PRIM2: variants seen among roughly 807,000 people sequenced by gnomAD.
PRIM2 encodes DNA primase large subunit.
In PRIM2, 39 loss-of-function variants were observed where a neutral mutation model predicts 67.3. That is an observed-to-expected ratio of 0.58 (90% CI 0.45 to 0.76). PRIM2 has a LOEUF of 0.76. PRIM2 is among the 30% of genes least tolerant of loss of function. The pLI, the probability that PRIM2 is intolerant of heterozygous loss-of-function variation, is 0.00. For missense variants in PRIM2, 398 were observed against 598.7 expected, an observed-to-expected ratio of 0.66 and a Z score of 3.50; for synonymous variants, 143 against 198.7, an observed-to-expected ratio of 0.72 and a Z score of 2.36.
At chr6:57,456,260 T>A (rs1772775727) in intron 7 of PRIM2, among the ~76,000 whole-genome samples, 1 of 152,176 alleles carries the variant, frequency 6.6e-6, no homozygotes, top group South Asian at 2.1e-4. Flanking sequence ...GACAATTATG[T>A]GTCTTGGAGT....
intron 7 of PRIM2, among the ~76,000 whole-genome samples, chr6:57,484,461 G>A (rs1169380904): frequency 1.3e-5 from 2 of 152,142 alleles, no homozygotes; most frequent in African/African-American, 4.8e-5. Context: ...AGAAACTCAT[G>A]TGGTTTCTTG....
At chr6:57,636,913 G>A (rs1389946141) in intron 13 of PRIM2, among the ~76,000 whole-genome samples, 1 of 152,126 alleles carries the variant, frequency 6.6e-6, no homozygotes, top group Non-Finnish European at 1.5e-5. Flanking sequence ...GCTCTGTTAA[G>A]GGACTGCCTC....
At chr6:57,333,067 A>C (rs968387846) in intron 5 of PRIM2, among the ~76,000 whole-genome samples, 12 of 152,142 alleles carry the variant, frequency 7.9e-5, no homozygotes, top group Non-Finnish European at 1.5e-4. Context: ...TTAGAATTAC[A>C]ATTATATTTT....
chr6:57,364,495 C>T (rs904853373), intron 5 of PRIM2, among the ~76,000 whole-genome samples: 2 of 152,156 alleles, frequency 1.3e-5, no homozygotes, highest in African/African-American at 4.8e-5. Flanking sequence ...CTTTGGGTGG[C>T]CACAGCTTCT....
At chr6:57,273,811 G>A in the PRIM2 span, among the ~76,000 whole-genome samples, 2 of 151,766 alleles carry the variant, frequency 1.3e-5, no homozygotes, top group East Asian at 3.9e-4. Flanking sequence ...TTTTGGTGTG[G>A]ATGTCCTTCC....
the PRIM2 span, among the ~76,000 whole-genome samples, chr6:57,266,733 A>G: frequency 2.6e-5 from 4 of 152,214 alleles, no homozygotes; most frequent in East Asian, 1.9e-4. Flanking sequence ...AAAATAGTCT[A>G]TGTCGCCACA....
chr6:57,588,433 A>G (rs1355806657), intron 10 of PRIM2, among the ~76,000 whole-genome samples: 2 of 148,456 alleles, frequency 1.3e-5, no homozygotes, highest in Admixed American at 6.8e-5. Context: ...AACTTGTAGC[A>G]TTATTTCTTC....
chr6:57,240,098 T>TGTTTG, the PRIM2 span, among the ~76,000 whole-genome samples: 1 of 75,814 alleles, frequency 1.3e-5, no homozygotes, highest in African/African-American at 4.5e-5. Context: ...TCTGTTTTTT[T>TGTTTG]TTTTTTTTTT....
At chr6:57,389,928 A>T (rs1200193138) in intron 7 of PRIM2, among the ~76,000 whole-genome samples, 3 of 152,138 alleles carry the variant, frequency 2.0e-5, no homozygotes, top group Non-Finnish European at 4.4e-5. Flanking sequence ...TTTTAAATAT[A>T]CTGATCATTT....
the PRIM2 span, among the ~76,000 whole-genome samples, chr6:57,271,308 C>A: frequency 1.3e-5 from 2 of 152,136 alleles, no homozygotes; most frequent in African/African-American, 4.8e-5. Context: ...ATTTCAGAGC[C>A]TGTTATTGGT....
chr6:57,338,642 C>T lies in PRIM2; in HGVS notation c.459+12597C>T, dbSNP rs574545758. Among the ~76,000 whole-genome samples, 5 of 149,320 alleles carry T rather than the reference C, an allele frequency of 3.3e-5. No individual in the cohort carries two copies. In the East Asian group the frequency reaches 7.8e-4, roughly 23 times the overall value. On this transcript the variant is annotated intron_variant, in intron 5 of 13. Coordinates refer to ENST00000615550, the MANE Select transcript of PRIM2 (RefSeq NM_000947.5). ...CAATAGATGCAGAAAAGGCCTTTGA[C>T]AAAATTCAACAACGCTTCATGCTAA...
At chr6:57,325,760 A>T in intron 4 of PRIM2, 165 bp from the exon 5 acceptor site, 1 of 194,190 alleles carries the variant, frequency 5.1e-6, no homozygotes, top group Non-Finnish European at 9.4e-6. Flanking sequence ...GAAGATTGTG[A>T]TATGTGGTAT....
At chr6:57,558,257 C>T (rs1775554901) in intron 10 of PRIM2, among the ~76,000 whole-genome samples, 1 of 152,126 alleles carries the variant, frequency 6.6e-6, no homozygotes, top group Non-Finnish European at 1.5e-5. Flanking sequence ...AATGCCCTCC[C>T]CTAAGTTCTT....
In PRIM2 at chr6:57,557,794, T is replaced by C. The variant is rs1444435035; in HGVS notation, c.1020+20169T>C. On this transcript the variant is annotated intron_variant, in intron 10 of 13. Transcript: ENST00000615550. Reference sequence around the variant, plus strand: ...GTTAAAAAAAAAAAAGAAAAAGATATGACTTTTGACCTCAGGGAACATAGT... The same window carrying C: ...GTTAAAAAAAAAAAAGAAAAAGATACGACTTTTGACCTCAGGGAACATAGT... Among the ~76,000 whole-genome samples, 33 of 152,152 alleles carry C rather than the reference T, an allele frequency of 2.2e-4. No individual in the cohort carries two copies. The East Asian group carries it at 6.0e-3, about 28-fold the overall frequency.
chr6:57,314,503 G>A (rs1302430326), upstream of PRIM2, among the ~76,000 whole-genome samples: 2 of 152,260 alleles, frequency 1.3e-5, no homozygotes, highest in Non-Finnish European at 2.9e-5. Flanking sequence ...GCAACAGAGC[G>A]AGACTTCGTC....
chr6:57,375,221 A>G lies in PRIM2; in HGVS notation c.460-4680A>G, dbSNP rs4470849. Among the ~76,000 whole-genome samples, 3 of 147,818 alleles carry G rather than the reference A, an allele frequency of 2.0e-5. No homozygotes were observed. In the East Asian group the frequency reaches 6.1e-4, roughly 30 times the overall value. ...TGTGGGTTTGTCATATATGGCTCTTATTATTTTGAGGTATGTTCCTTCAAT... is the reference window on the plus strand; with the variant it reads ...TGTGGGTTTGTCATATATGGCTCTTGTTATTTTGAGGTATGTTCCTTCAAT... On this transcript the variant is annotated intron_variant, in intron 5 of 13. Transcript: ENST00000615550.
intron 7 of PRIM2, among the ~76,000 whole-genome samples, chr6:57,438,558 A>G (rs1334075718): frequency 1.3e-5 from 2 of 152,230 alleles, no homozygotes; most frequent in Admixed American, 1.3e-4. Flanking sequence ...TTACCTAAGC[A>G]TTAAGGGAAA....
intron 12 of PRIM2, among the ~76,000 whole-genome samples, chr6:57,609,869 T>A (rs2127493927): frequency 1.3e-5 from 2 of 152,360 alleles, no homozygotes; most frequent in East Asian, 3.9e-4. Flanking sequence ...AAATTCCATG[T>A]AAAACATTTT....
the PRIM2 span, among the ~76,000 whole-genome samples, chr6:57,223,233 A>G: frequency 1.3e-5 from 2 of 152,294 alleles, no homozygotes; most frequent in South Asian, 4.1e-4. Flanking sequence ...ATAAACTACA[A>G]AAACAGAAGA....
Sources: gnomAD v4.1 joint callset for allele counts (sites outside exome capture counted in the v4.1 genomes callset) on GRCh38, gnomAD v4.1.1 for gene constraint, MANE v1.5 for transcripts, NCBI Gene and HGNC (gene_info 2026-07-23, HGNC 2026-07-21) for gene names.